GALNTL6: variants seen among roughly 807,000 people sequenced by gnomAD.
The protein encoded by GALNTL6 is polypeptide N-acetylgalactosaminyltransferase-like 6.
A neutral mutation model predicts 73.7 loss-of-function variants in GALNTL6; 46 were observed. The ratio of observed to expected loss-of-function variants is 0.62; its 90% CI spans 0.49 to 0.80. GALNTL6 has a LOEUF of 0.80. Among genes scored for constraint, GALNTL6 ranks in the 30% least tolerant of loss-of-function variants. The pLI is 0.00. For missense variants in GALNTL6, 604 were observed against 755.0 expected (o/e 0.80, Z 2.34); for synonymous variants, 259 against 263.7 (o/e 0.98, Z 0.17).
chr4:172,490,221 T>G (rs1020475428), intron 5 of GALNTL6, among the ~76,000 whole-genome samples: 1 of 152,174 alleles, frequency 6.6e-6, no homozygotes, highest in African/African-American at 2.4e-5. Context: ...TAATTTGAAA[T>G]TTGACCTGAA....
intron 5 of GALNTL6, among the ~76,000 whole-genome samples, chr4:172,710,782 A>G (rs565587723): frequency 6.6e-6 from 1 of 152,178 alleles, no homozygotes; most frequent in Non-Finnish European, 1.5e-5. Flanking sequence ...CTTATATTTT[A>G]TGAAAATGTA....
At chr4:171,953,768 T>A (rs1579002636) in intron 2 of GALNTL6, among the ~76,000 whole-genome samples, 1 of 152,122 alleles carries the variant, frequency 6.6e-6, no homozygotes, top group African/African-American at 2.4e-5. Context: ...AGAGTATATA[T>A]TTTTATATTC....
intron 2 of GALNTL6, among the ~76,000 whole-genome samples, chr4:172,001,043 TA>T (rs1740657879): frequency 2.0e-5 from 3 of 152,168 alleles, no homozygotes; most frequent in Non-Finnish European, 4.4e-5. Flanking sequence ...GTCATAGCAA[TA>T]GCAGTGGTGA....
At chr4:172,487,765 A>G (rs1034754222) in intron 5 of GALNTL6, among the ~76,000 whole-genome samples, 3 of 152,172 alleles carry the variant, frequency 2.0e-5, no homozygotes. Context: ...ACTATTCAAT[A>G]TATTAGTAAA....
chr4:172,682,813 T>C (rs568441263), intron 5 of GALNTL6, among the ~76,000 whole-genome samples: 1 of 152,230 alleles, frequency 6.6e-6, no homozygotes, highest in East Asian at 1.9e-4. Flanking sequence ...CAAACAGATT[T>C]TTATTTGGCC....
chr4:172,226,774 T>C (rs1736882608), intron 2 of GALNTL6, among the ~76,000 whole-genome samples: 1 of 152,162 alleles, frequency 6.6e-6, no homozygotes, highest in Non-Finnish European at 1.5e-5. Flanking sequence ...TGTTTCTCAG[T>C]AGGATTCCTT....
intron 9 of GALNTL6, among the ~76,000 whole-genome samples, chr4:172,931,742 GC>G (rs1748351861): frequency 6.6e-6 from 1 of 152,138 alleles, no homozygotes; most frequent in Non-Finnish European, 1.5e-5. Flanking sequence ...CATAACTAGG[GC>G]CAGCTCTGCC....
chr4:172,719,018 C>G (rs1373190725), intron 5 of GALNTL6, among the ~76,000 whole-genome samples: 2 of 152,174 alleles, frequency 1.3e-5, no homozygotes, highest in African/African-American at 2.4e-5. Context: ...TAAATTACAA[C>G]ATCACAATGG....
chr4:172,561,337 C>T (rs796230022), intron 5 of GALNTL6, among the ~76,000 whole-genome samples: 10 of 151,372 alleles, frequency 6.6e-5, no homozygotes, highest in African/African-American at 2.4e-4. Context: ...ATCTGAACCT[C>T]GGCAACCTGC....
chr4:172,784,626 G>C (rs544004861), intron 5 of GALNTL6, among the ~76,000 whole-genome samples: 27 of 152,136 alleles, frequency 1.8e-4, no homozygotes, highest in African/African-American at 6.0e-4. Flanking sequence ...AATTATCTAA[G>C]AGCCACATTA....
chr4:172,239,701 A>G (rs1737356065), intron 3 of GALNTL6, among the ~76,000 whole-genome samples: 1 of 152,056 alleles, frequency 6.6e-6, no homozygotes, highest in Admixed American at 6.6e-5. Flanking sequence ...AGATCTTTCT[A>G]ACTTTTTTAT....
chr4:171,982,354 G>C (rs1217870287), intron 2 of GALNTL6, among the ~76,000 whole-genome samples: 1 of 152,146 alleles, frequency 6.6e-6, no homozygotes, highest in African/African-American at 2.4e-5. Flanking sequence ...CTGGAGTGCA[G>C]TGGCGCGATC....
chr4:172,369,558 A>T (rs1382627799), intron 5 of GALNTL6, among the ~76,000 whole-genome samples: 1 of 152,094 alleles, frequency 6.6e-6, no homozygotes, highest in Non-Finnish European at 1.5e-5. Context: ...GCTGCATGGG[A>T]GCACCCTGGG....
intron 5 of GALNTL6, among the ~76,000 whole-genome samples, chr4:172,622,627 C>T (rs866316586): frequency 3.9e-4 from 59 of 152,078 alleles, no homozygotes; most frequent in Admixed American, 9.2e-4. Flanking sequence ...TAATATGCTC[C>T]TCTGAAACTA....
chr4:172,643,384 G>T (rs558770473), intron 5 of GALNTL6, among the ~76,000 whole-genome samples: 14 of 152,052 alleles, frequency 9.2e-5, no homozygotes, highest in African/African-American at 3.1e-4. Context: ...CTCAGGAGAG[G>T]TTTTAAAAGT....
chr4:172,399,351 TAATA>T (rs970054279), intron 5 of GALNTL6, among the ~76,000 whole-genome samples: 15 of 152,160 alleles, frequency 9.9e-5, no homozygotes, highest in African/African-American at 3.6e-4. Flanking sequence ...ATGTCTATAT[TAATA>T]TTTATATTTT....
intron 8 of GALNTL6, among the ~76,000 whole-genome samples, chr4:172,915,745 GGCAGTAATTAATA>G (rs1485573214): frequency 6.6e-6 from 1 of 152,118 alleles, no homozygotes; most frequent in East Asian, 1.9e-4. Flanking sequence ...CTGAAATTGA[GGCAGTAATTAATA>G]GCCTATCAAC....
intron 7 of GALNTL6, among the ~76,000 whole-genome samples, chr4:172,873,640 T>C (rs762911182): frequency 6.6e-6 from 1 of 152,238 alleles, no homozygotes; most frequent in Non-Finnish European, 1.5e-5. Context: ...ATGAAACTTC[T>C]TTGTGGATAG....
intron 5 of GALNTL6, among the ~76,000 whole-genome samples, chr4:172,377,991 T>C (rs768623035): frequency 1.6e-4 from 24 of 151,630 alleles, no homozygotes; most frequent in Non-Finnish European, 2.5e-4. Context: ...GCTTCCACAG[T>C]GCAGCGGCAG....
Sources: allele counts gnomAD v4.1 joint callset (sites outside exome capture counted in the v4.1 genomes callset), GRCh38; gene constraint gnomAD v4.1.1; transcripts MANE v1.5; gene names NCBI Gene and HGNC (gene_info 2026-07-23, HGNC 2026-07-21).